The following PXDNL variants were observed in gnomAD, a reference collection of about 807,000 sequenced individuals.
The protein encoded by PXDNL is peroxidasin like, also known as probable oxidoreductase PXDNL.
PXDNL carries 145 observed loss-of-function variants against 150.8 expected under a neutral mutation model. That is an observed-to-expected ratio of 0.96 (90% CI 0.84 to 1.10). The LOEUF (loss-of-function observed/expected upper bound fraction) is 1.10, where lower values mean the gene tolerates loss of function less well. PXDNL is among the 50% of genes least tolerant of loss of function. The pLI is 0.00. For missense variants in PXDNL, 2,087 were observed against 1,873.9 expected, an observed-to-expected ratio of 1.11 and a Z score of -2.10; for synonymous variants, 757 against 725.7, an observed-to-expected ratio of 1.04 and a Z score of -0.69.
intron 1 of PXDNL, among the ~76,000 whole-genome samples, chr8:51,736,897 T>C (rs1250337455): frequency 5.9e-5 from 9 of 152,234 alleles, no homozygotes; most frequent in African/African-American, 2.2e-4. Flanking sequence ...GTGTTAACTA[T>C]ATACAAAGTT....
Position 51,764,048 on chromosome 8 carries a change from G to C in PXDNL, c.164+45133C>G, listed in dbSNP as rs72642978. 2.5e-3 allele frequency among the ~76,000 whole-genome samples: 386 copies of C among 152,184 alleles called. 2 individuals are homozygous for C. Among genetic ancestry groups the C allele is most frequent in the South Asian group, 0.016 (78 of 4,818 alleles). ...CTTCTTAAGTCTGTTTTGGTAGTTT[G>C]TGCCTTTCTAGGAATTTGTTCATCT... On this transcript the variant is annotated intron_variant, in intron 1 of 22. Transcript: ENST00000356297.
At chr8:51,635,212 C>T (rs796766198) in intron 2 of PXDNL, among the ~76,000 whole-genome samples, 17 of 152,118 alleles carry the variant, frequency 1.1e-4, no homozygotes, top group African/African-American at 2.9e-4. Context: ...CCAAAACTTA[C>T]GGGATGCAGT....
chr8:51,327,385 T>A (rs996634525), intron 21 of PXDNL, among the ~76,000 whole-genome samples: 2 of 152,238 alleles, frequency 1.3e-5, no homozygotes, highest in East Asian at 3.9e-4. Flanking sequence ...ATCATGTAAG[T>A]GTCTTTTCAC....
At chr8:51,601,950 G>T (rs1409653740) in intron 2 of PXDNL, among the ~76,000 whole-genome samples, 1 of 151,870 alleles carries the variant, frequency 6.6e-6, no homozygotes, top group African/African-American at 2.4e-5. Context: ...TTGCTTGTCT[G>T]GAAAAGATTT....
chr8:51,438,664 G>A (rs918165592), intron 12 of PXDNL, among the ~76,000 whole-genome samples: 14 of 152,084 alleles, frequency 9.2e-5, no homozygotes, highest in African/African-American at 2.9e-4. Flanking sequence ...GCAGTGAGCC[G>A]AGATTGTGCC....
At chr8:51,531,832 C>T (rs1401159026) in intron 4 of PXDNL, among the ~76,000 whole-genome samples, 2 of 152,216 alleles carry the variant, frequency 1.3e-5, no homozygotes, top group African/African-American at 4.8e-5. Flanking sequence ...CAGTAGACAA[C>T]ACACAAGTTC....
intron 1 of PXDNL, among the ~76,000 whole-genome samples, chr8:51,707,897 G>A (rs114310061): frequency 0.025 from 3,792 of 151,956 alleles, 159 homozygotes; most frequent in African/African-American, 0.086. Context: ...GTGTGTGTGC[G>A]CGTGCATACA....
chr8:51,361,937 C>CAAAAAAAAAAAAAAAAA (rs57092440), intron 19 of PXDNL, among the ~76,000 whole-genome samples: 76 of 58,074 alleles, frequency 1.3e-3, no homozygotes, highest in African/African-American at 3.3e-3. Context: ...GATTCCATCT[C>CAAAAAAAAAAAAAAAAA]AAAAAAAAAA....
chr8:51,367,602 C>A (rs1057365000), intron 19 of PXDNL, among the ~76,000 whole-genome samples: 1 of 152,008 alleles, frequency 6.6e-6, no homozygotes, highest in African/African-American at 2.4e-5. Flanking sequence ...GACATATAAG[C>A]CCTGATATGC....
intron 12 of PXDNL, among the ~76,000 whole-genome samples, chr8:51,433,156 C>T (rs932352442): frequency 2.6e-5 from 4 of 151,226 alleles, no homozygotes; most frequent in Admixed American, 6.6e-5. Flanking sequence ...TTGCGGTGAG[C>T]GGAGGTCGCA....
At chr8:51,775,161 C>T (rs2037339141) in intron 1 of PXDNL, among the ~76,000 whole-genome samples, 1 of 152,040 alleles carries the variant, frequency 6.6e-6, no homozygotes, top group Admixed American at 6.6e-5. Flanking sequence ...ATCTATCCAC[C>T]CACAAAGGCC....
intron 4 of PXDNL, among the ~76,000 whole-genome samples, chr8:51,538,508 G>A (rs1812137211): frequency 6.6e-6 from 1 of 152,168 alleles, no homozygotes; most frequent in South Asian, 2.1e-4. Flanking sequence ...GCTCACGCCT[G>A]TAATCCCAGC....
intron 13 of PXDNL, among the ~76,000 whole-genome samples, chr8:51,425,531 G>T (rs1338804003): frequency 2.0e-5 from 3 of 151,980 alleles, no homozygotes; most frequent in East Asian, 1.9e-4. Context: ...TTAAAAGGGG[G>T]TTATAAAAAT....
intron 17 of PXDNL, among the ~76,000 whole-genome samples, chr8:51,390,063 C>T (rs748879251): frequency 9.9e-5 from 15 of 151,806 alleles, no homozygotes; most frequent in Non-Finnish European, 1.5e-4. Flanking sequence ...ATGCCCCCCC[C>T]ACCAAAAAAA....
rs965435023 is a variant in PXDNL, at chr8:51,608,586, C to T, written c.237-15888G>A. 1.0e-4 allele frequency among the ~76,000 whole-genome samples: 15 copies of T among 147,938 alleles called. No individual in the cohort carries two copies. In the East Asian group the frequency reaches 1.8e-3, roughly 17 times the overall value. ...GGCGCGGTGGCTCACGCCTGTAATC[C>T]CAGCACTTTGGGAGGCCAAGGCGGG... On this transcript the variant is annotated intron_variant, in intron 2 of 22. Coordinates refer to ENST00000356297, the MANE Select transcript of PXDNL (RefSeq NM_144651.5).
chr8:51,697,872 A>C (rs1816179009), intron 1 of PXDNL, among the ~76,000 whole-genome samples: 1 of 152,264 alleles, frequency 6.6e-6, no homozygotes, highest in Non-Finnish European at 1.5e-5. Flanking sequence ...CAACTCAATA[A>C]AGCAAGTATC....
chr8:51,752,384 T>C (rs190390109), intron 1 of PXDNL, among the ~76,000 whole-genome samples: 3 of 152,254 alleles, frequency 2.0e-5, no homozygotes, highest in Admixed American at 6.5e-5. Flanking sequence ...TCTCATGCTT[T>C]AAGGCCCACG....
chr8:51,652,551 T>C (rs1390471425), intron 2 of PXDNL, among the ~76,000 whole-genome samples: 1 of 152,132 alleles, frequency 6.6e-6, no homozygotes, highest in African/African-American at 2.4e-5. Context: ...GTACTTTTCC[T>C]GAATGCTATC....
At chr8:51,792,230 C>T (rs2037519729) in intron 1 of PXDNL, among the ~76,000 whole-genome samples, 1 of 151,682 alleles carries the variant, frequency 6.6e-6, no homozygotes, top group East Asian at 2.0e-4. Context: ...ACTGAGGTAT[C>T]GAGGTTCTCT....
Sources: allele counts gnomAD v4.1 joint callset (sites outside exome capture counted in the v4.1 genomes callset), GRCh38; gene constraint gnomAD v4.1.1; transcripts MANE v1.5; gene names NCBI Gene and HGNC (gene_info 2026-07-23, HGNC 2026-07-21).